IMPG2: variants seen among roughly 807,000 people sequenced by gnomAD.
The protein encoded by IMPG2 is interphotoreceptor matrix proteoglycan 2, also known as IPM 200.
In IMPG2, 91 loss-of-function variants were observed where a neutral mutation model predicts 129.2. The ratio of observed to expected loss-of-function variants is 0.70; its 90% CI spans 0.59 to 0.84. The LOEUF (loss-of-function observed/expected upper bound fraction) is 0.84. Ranked by LOEUF, IMPG2 falls within the 40% of genes least tolerant of loss-of-function variation. IMPG2 has a pLI of 0.00. For synonymous variants in IMPG2, 510 were observed against 517.7 expected (o/e 0.99, Z 0.20); for missense variants, 1,430 against 1,461.7 (o/e 0.98, Z 0.35).
At chr3:101,318,190 T>A (rs979673252) in intron 2 of IMPG2, among the ~76,000 whole-genome samples, 2 of 138,414 alleles carry the variant, frequency 1.4e-5, no homozygotes, top group African/African-American at 2.7e-5. Context: ...AATAATAATA[T>A]AAAGTAAAAA....
At chr3:101,317,297 AAGAG>A (rs1454653163) in intron 2 of IMPG2, among the ~76,000 whole-genome samples, 2 of 152,146 alleles carry the variant, frequency 1.3e-5, no homozygotes, top group Admixed American at 6.6e-5. Flanking sequence ...TTTTTTAAAA[AAGAG>A]AGGGGCATCC....
chr3:101,229,552 T>A lies in IMPG2; in HGVS notation c.3461A>T (p.Glu1154Val), dbSNP rs1160022270. 1 of 1,614,026 alleles carries A rather than the reference T, an allele frequency of 6.2e-7. No individual in the cohort carries two copies. ...CACGGGGTTGTACTTCACAGCATTC[T>A]CAATAGATGAGAGGCTGTCAGGCTG... ...SRQPDSLSSIENAVKYNPVYE... is the reference protein window; with the variant it reads ...SRQPDSLSSIVNAVKYNPVYE... Residue 1154 changes from glutamate to valine, a missense_variant, in exon 17 of 19, where the codon GAG becomes GTG. Coordinates refer to ENST00000193391, the MANE Select transcript of IMPG2 (RefSeq NM_016247.4).
At chr3:101,285,459 T>G (rs1706934583) in intron 4 of IMPG2, among the ~76,000 whole-genome samples, 1 of 152,218 alleles carries the variant, frequency 6.6e-6, no homozygotes, top group African/African-American at 2.4e-5. Flanking sequence ...AACAGGTATT[T>G]TTATTTAAAG....
intron 9 of IMPG2, among the ~76,000 whole-genome samples, chr3:101,258,013 T>C (rs1193597748): frequency 6.6e-6 from 1 of 152,098 alleles, no homozygotes; most frequent in African/African-American, 2.4e-5. Flanking sequence ...GAGGCAACCC[T>C]GCAGGATGAT....
chr3:101,306,017 C>T (rs887003653), intron 2 of IMPG2, among the ~76,000 whole-genome samples: 2 of 152,190 alleles, frequency 1.3e-5, no homozygotes, highest in Non-Finnish European at 2.9e-5. Flanking sequence ...GCAGGATCCA[C>T]ATTGAGGTGG....
At chr3:101,238,937 G>C (rs948518527) in intron 14 of IMPG2, among the ~76,000 whole-genome samples, 26 of 152,156 alleles carry the variant, frequency 1.7e-4, no homozygotes, top group African/African-American at 5.6e-4. Flanking sequence ...AATGGATAAA[G>C]AGACAAGACC....
At chr3:101,280,789 A>G (rs1056207087) in intron 4 of IMPG2, among the ~76,000 whole-genome samples, 2 of 151,850 alleles carry the variant, frequency 1.3e-5, no homozygotes, top group Non-Finnish European at 2.9e-5. Flanking sequence ...CTACTAAAAA[A>G]CATACAAAAA....
intron 9 of IMPG2, among the ~76,000 whole-genome samples, chr3:101,265,161 C>T (rs1172189134): frequency 1.3e-5 from 2 of 152,006 alleles, no homozygotes; most frequent in Admixed American, 6.6e-5. Context: ...TATCAAAATA[C>T]CAATGACATT....
chr3:101,296,571 G>T (rs986449641), intron 3 of IMPG2, among the ~76,000 whole-genome samples: 4 of 152,102 alleles, frequency 2.6e-5, no homozygotes, highest in African/African-American at 9.7e-5. Flanking sequence ...GGATGATGCT[G>T]GCCTCATATA....
At chr3:101,286,713 C>A (rs1576763935) in intron 4 of IMPG2, among the ~76,000 whole-genome samples, 1 of 152,194 alleles carries the variant, frequency 6.6e-6, no homozygotes, top group Admixed American at 6.6e-5. Flanking sequence ...CTTCTCTTCA[C>A]ATGAGCAGAA....
rs1706567141 is a variant in IMPG2 at position 101,253,578 on chromosome 3, C to T, written c.1239+118G>A. ...TATGAGTAATGGTCTAGGGATGATG[C>T]AAGAGAATAATTGAAATGAGAACAG... On this transcript the variant is annotated intron_variant, in intron 11 of 18. Transcript: ENST00000193391. 4 of 750,124 alleles carry T rather than the reference C, an allele frequency of 5.3e-6. No individual in the cohort carries two copies. In the South Asian group the frequency reaches 6.0e-5, roughly 11 times the overall value. The allele number at this position is 750,124 out of a possible 1,614,324, so 46.5% of individuals were successfully genotyped here. A position where few individuals can be genotyped will look rare whatever the true frequency, so the allele number is the denominator to read the frequency against.
At chr3:101,258,421 T>G (rs1217222974) in intron 9 of IMPG2, among the ~76,000 whole-genome samples, 1 of 152,110 alleles carries the variant, frequency 6.6e-6, no homozygotes, top group Non-Finnish European at 1.5e-5. Context: ...TGAAGTAATT[T>G]TTTTCTTGGC....
intron 9 of IMPG2, among the ~76,000 whole-genome samples, chr3:101,266,920 T>C (rs1274322009): frequency 6.6e-6 from 1 of 152,198 alleles, no homozygotes; most frequent in Non-Finnish European, 1.5e-5. Context: ...CTGCACATTG[T>C]CCTTGTTACT....
intron 3 of IMPG2, among the ~76,000 whole-genome samples, chr3:101,293,290 T>TTC (rs1320716999): frequency 1.3e-5 from 2 of 152,170 alleles, no homozygotes; most frequent in Non-Finnish European, 2.9e-5. Flanking sequence ...GCAGAATAAA[T>TTC]ATTGTATTGG....
intron 4 of IMPG2, among the ~76,000 whole-genome samples, chr3:101,290,116 T>C (rs1046337325): frequency 2.0e-5 from 3 of 152,040 alleles, no homozygotes; most frequent in Non-Finnish European, 4.4e-5. Flanking sequence ...AGGTTCCTTC[T>C]AGTTCTATCA....
At chr3:101,241,623 C>A (rs1706408731) in intron 14 of IMPG2, among the ~76,000 whole-genome samples, 1 of 151,912 alleles carries the variant, frequency 6.6e-6, no homozygotes, top group South Asian at 2.1e-4. Context: ...TGGAGTCGTA[C>A]CAATGGAGAT....
In IMPG2 at chr3:101,320,545, G is replaced by A. The variant is rs1284473259; in HGVS notation, c.-173C>T. The A allele has an allele frequency of 5.0e-6, 3 of 605,274 alleles. No homozygotes were observed. The Admixed American group carries it at 8.8e-5, about 18-fold the overall frequency. The allele number at this position is 605,274 out of a possible 1,614,324, so 37.5% of individuals were successfully genotyped here. A position where few individuals can be genotyped will look rare whatever the true frequency, so the allele number is the denominator to read the frequency against. ...TAAATTAGCGGAAAGAAAAATGGTT[G>A]TCCTTTCAAAGTAGCTCTCACTTCT... On this transcript the variant is annotated 5_prime_UTR_variant, in exon 1 of 19. Coordinates refer to ENST00000193391, the MANE Select transcript of IMPG2 (RefSeq NM_016247.4).
rs1000899370 is a variant in IMPG2 at position 101,243,641 on chromosome 3, C to T, written c.2690G>A (p.Gly897Glu). The change falls in exon 13 of 19, where the codon GGA becomes GAA. Residue 897 changes from glycine to glutamate, a missense_variant. Gly to Glu is a moderately conservative substitution (Grantham distance 98). Coordinates refer to ENST00000193391, the MANE Select transcript of IMPG2 (RefSeq NM_016247.4). ...GAGGCTGAAGAAAACCACCAAAGCT[C>T]CTGAAGTCTGGGTATAACTCAAGTC... ...GDDLSYTQTS[G>E]ALVVFFSLRV... The T allele has an allele frequency of 1.2e-6, 2 of 1,613,906 alleles. No individual in the cohort carries two copies. The highest frequency in any genetic ancestry group is 3.3e-5 in the Admixed American group (2 of 59,958).
chr3:101,254,252 T>A lies in IMPG2; in HGVS notation c.1154-471A>T, dbSNP rs149573137. ...ACACCAAAAATCTTTGTCACTGTAATGATATTAAAGAGCAACATAGAGAGT... is the reference window on the plus strand; with the variant it reads ...ACACCAAAAATCTTTGTCACTGTAAAGATATTAAAGAGCAACATAGAGAGT... On this transcript the variant is annotated intron_variant, in intron 10 of 18. Transcript: ENST00000193391. Among the ~76,000 whole-genome samples, 325 of 152,242 alleles carry A rather than the reference T, an allele frequency of 2.1e-3. 3 individuals carry two copies. Among genetic ancestry groups the A allele is most frequent in the African/African-American group, 7.6e-3 (315 of 41,554 alleles).
Sources: gnomAD v4.1 joint callset for allele counts (sites outside exome capture counted in the v4.1 genomes callset) on GRCh38, gnomAD v4.1.1 for gene constraint, MANE v1.5 for transcripts, NCBI Gene and HGNC (gene_info 2026-07-23, HGNC 2026-07-21) for gene names.